FRMD3: variants seen among roughly 807,000 people sequenced by gnomAD.
The protein encoded by FRMD3 is FERM domain containing 3.
FRMD3 carries 33 observed loss-of-function variants against 70.2 expected under a neutral mutation model. The ratio of observed to expected loss-of-function variants is 0.47; its 90% CI spans 0.36 to 0.63. The LOEUF (loss-of-function observed/expected upper bound fraction) is 0.63, where lower values mean the gene tolerates loss of function less well. Ranked by LOEUF, FRMD3 falls within the 20% of genes least tolerant of loss-of-function variation. FRMD3 has a pLI of 0.00. For missense variants in FRMD3, 632 were observed against 711.4 expected, an observed-to-expected ratio of 0.89 and a Z score of 1.27; for synonymous variants, 279 against 255.9, an observed-to-expected ratio of 1.09 and a Z score of -0.86.
chr9:83,537,879 C>T lies in FRMD3; in HGVS notation c.147+206G>A, dbSNP rs1032418940. ...GGAAGGAGACTGGGCGCGGATAACG[C>T]GTGCCTGGCGCTTGCAGGGCACCAT... On this transcript the variant is annotated intron_variant, in intron 1 of 13. Coordinates refer to ENST00000304195, the MANE Select transcript of FRMD3 (RefSeq NM_174938.6). The surrounding 1 kb of genome is among the most constrained non-coding windows in gnomAD (Gnocchi z 4.1). 6.6e-6 allele frequency among the ~76,000 whole-genome samples: 1 copy of T among 152,186 alleles called. No homozygotes were observed. Among genetic ancestry groups the T allele is most frequent in the East Asian group, 1.9e-4 (1 of 5,140 alleles).
intron 10 of FRMD3, among the ~76,000 whole-genome samples, chr9:83,309,307 G>A (rs1835262754): frequency 6.9e-6 from 1 of 144,216 alleles, no homozygotes; most frequent in African/African-American, 2.6e-5. Flanking sequence ...CACACACAGT[G>A]GCCCACAGCC....
chr9:83,247,481 T>TA lies in FRMD3; in HGVS notation c.*436dup. 1 of 984,566 alleles carries TA rather than the reference T, an allele frequency of 1.0e-6. No individual in the cohort carries two copies. 61.0% of individuals were successfully genotyped at this position (984,566 alleles called of 1,614,324 possible). On this transcript the variant is annotated 3_prime_UTR_variant, in exon 14 of 14. Transcript: ENST00000304195. ...AAAACCCAGCATAAATTTAGTTGTATAGGCATTGGTTAGAGGACACTGTTT... is the reference window on the plus strand; with the variant it reads ...AAAACCCAGCATAAATTTAGTTGTATAAGGCATTGGTTAGAGGACACTGTTT...
intron 4 of FRMD3, among the ~76,000 whole-genome samples, chr9:83,346,462 G>A (rs1823968237): frequency 6.6e-6 from 1 of 152,090 alleles, no homozygotes; most frequent in Non-Finnish European, 1.5e-5. Flanking sequence ...CACATTGCAT[G>A]CTTTGATTTA....
chr9:83,550,940 C>T, the FRMD3 span, among the ~76,000 whole-genome samples: 1 of 152,048 alleles, frequency 6.6e-6, no homozygotes, highest in African/African-American at 2.4e-5. Context: ...AGTTTGACTT[C>T]CTCTCTTCCT....
chr9:83,277,943 G>T (rs1833846106), intron 13 of FRMD3, among the ~76,000 whole-genome samples: 1 of 152,146 alleles, frequency 6.6e-6, no homozygotes, highest in Non-Finnish European at 1.5e-5. Context: ...GTTTTAGTTA[G>T]GGAAGGCAGT....
chr9:83,248,755 A>T (rs1036921999), intron 13 of FRMD3, among the ~76,000 whole-genome samples: 5 of 152,186 alleles, frequency 3.3e-5, no homozygotes, highest in Non-Finnish European at 5.9e-5. Context: ...AATATTTACA[A>T]CATTTAGGTG....
At chr9:83,286,786 T>C (rs1834233432) in intron 13 of FRMD3, among the ~76,000 whole-genome samples, 1 of 152,084 alleles carries the variant, frequency 6.6e-6, no homozygotes, top group African/African-American at 2.4e-5. Flanking sequence ...TGATGCTGAG[T>C]CTCCACCACT....
chr9:83,347,692 T>C (rs1824007900), intron 4 of FRMD3, among the ~76,000 whole-genome samples: 2 of 152,246 alleles, frequency 1.3e-5, no homozygotes, highest in Middle Eastern at 3.2e-3. Flanking sequence ...TCGTAACTTC[T>C]CACATATTAA....
chr9:83,343,316 C>G, intron 4 of FRMD3, 29 bp from the exon 5 acceptor site: 2 of 1,500,742 alleles, frequency 1.3e-6, no homozygotes, highest in Non-Finnish European at 1.9e-6. Context: ...AATGGTCACT[C>G]TAACTTTTGG....
chr9:83,428,417 T>C (rs1047347524), intron 1 of FRMD3, among the ~76,000 whole-genome samples: 1 of 151,736 alleles, frequency 6.6e-6, no homozygotes, highest in African/African-American at 2.4e-5. Flanking sequence ...TACTTTGTAA[T>C]TGAATAAAAC....
At chr9:83,330,153 T>C (rs550885889) in intron 6 of FRMD3, among the ~76,000 whole-genome samples, 264 of 151,262 alleles carry the variant, frequency 1.7e-3, no homozygotes, top group African/African-American at 6.2e-3. Context: ...TCACCTGAGG[T>C]TGGGAGTTTG....
At chr9:83,435,175 C>A (rs1827098988) in intron 1 of FRMD3, among the ~76,000 whole-genome samples, 1 of 152,114 alleles carries the variant, frequency 6.6e-6, no homozygotes, top group Non-Finnish European at 1.5e-5. Context: ...TCCAGCTCTG[C>A]AGCCACCCTT....
intron 3 of FRMD3, among the ~76,000 whole-genome samples, chr9:83,364,555 C>CAA (rs1230377473): frequency 5.5e-4 from 67 of 122,070 alleles, no homozygotes; most frequent in African/African-American, 1.8e-3. Flanking sequence ...ACCCCATCTC[C>CAA]AAAAAAAAAA....
intron 6 of FRMD3, among the ~76,000 whole-genome samples, chr9:83,314,155 T>C (rs1319383718): frequency 6.6e-6 from 1 of 152,126 alleles, no homozygotes; most frequent in African/African-American, 2.4e-5. Context: ...CACAATCCTG[T>C]TACCCCATCA....
rs925124246 is a variant in FRMD3 at position 83,537,482 on chromosome 9, G to A, written c.147+603C>T. ...GCGCAGCGCGCGCTCCATCCCTCAA[G>A]GCTGGCGCCCAGGGCAGCCCGGCCT... On this transcript the variant is annotated intron_variant, in intron 1 of 13. Coordinates refer to ENST00000304195, the MANE Select transcript of FRMD3 (RefSeq NM_174938.6). This position sits in a 1 kb window ranked among gnomAD's most constrained non-coding sequence, Gnocchi z 4.1. Among the ~76,000 whole-genome samples the A allele has an allele frequency of 6.6e-6, 1 of 152,206 alleles. No homozygotes were observed. The highest frequency in any genetic ancestry group is 1.5e-5 in the Non-Finnish European group (1 of 68,030).
At chr9:83,498,772 A>T (rs1025906430) in intron 1 of FRMD3, among the ~76,000 whole-genome samples, 2 of 152,154 alleles carry the variant, frequency 1.3e-5, no homozygotes, top group Non-Finnish European at 2.9e-5. Context: ...AATCAAAGAA[A>T]AAACAGTGTA....
intron 13 of FRMD3, among the ~76,000 whole-genome samples, chr9:83,253,238 T>A (rs1007075830): frequency 6.6e-6 from 1 of 152,072 alleles, no homozygotes; most frequent in Non-Finnish European, 1.5e-5. Flanking sequence ...CACAACTACA[T>A]GGAAATTGAA....
chr9:83,510,463 T>A (rs1051201643), intron 1 of FRMD3, among the ~76,000 whole-genome samples: 1 of 152,162 alleles, frequency 6.6e-6, no homozygotes, highest in African/African-American at 2.4e-5. Flanking sequence ...TAGAAAGCAG[T>A]CTGGCAGTTC....
the FRMD3 span, among the ~76,000 whole-genome samples, chr9:83,574,028 T>C: frequency 6.6e-6 from 1 of 152,146 alleles, no homozygotes; most frequent in African/African-American, 2.4e-5. Context: ...TTCCTTCTCT[T>C]TTCTACTCAA....
Sources: gnomAD v4.1 joint callset for allele counts (sites outside exome capture counted in the v4.1 genomes callset) on GRCh38, gnomAD v4.1.1 for gene constraint, Gnocchi (gnomAD v3.1) non-coding constraint, MANE v1.5 for transcripts, NCBI Gene and HGNC (gene_info 2026-07-23, HGNC 2026-07-21) for gene names.